The following ASH1L variants were observed in gnomAD, a reference collection of about 807,000 sequenced individuals.
ASH1L encodes the protein ASH1 like histone lysine methyltransferase, also known as histone-lysine N-methyltransferase ASH1L.
Under a neutral mutation model 269.0 loss-of-function variants are expected in ASH1L, and 23 were observed. That is an observed-to-expected ratio of 0.09 (90% CI 0.06 to 0.12). The LOEUF (loss-of-function observed/expected upper bound fraction) is 0.12. Among genes scored for constraint, ASH1L ranks in the 10% least tolerant of loss-of-function variants. ASH1L has a pLI of 1.00. For synonymous variants in ASH1L, 1,187 were observed against 1,253.5 expected (o/e 0.95, Z 1.12); for missense variants, 2,912 against 3,567.8 (o/e 0.82, Z 4.68).
intron 3 of ASH1L, among the ~76,000 whole-genome samples, chr1:155,474,997 T>A (rs903350755): frequency 6.6e-6 from 1 of 152,226 alleles, no homozygotes; most frequent in Non-Finnish European, 1.5e-5. Context: ...AATCCAAAAT[T>A]CTTAACACAT....
At chr1:155,470,395 G>C (rs1665007565) in intron 3 of ASH1L, among the ~76,000 whole-genome samples, 1 of 151,774 alleles carries the variant, frequency 6.6e-6, no homozygotes, top group Non-Finnish European at 1.5e-5. Flanking sequence ...GGAGGCGGAG[G>C]TTGCAGTAAG....
intron 4 of ASH1L, among the ~76,000 whole-genome samples, chr1:155,439,385 G>A (rs1662360333): frequency 6.6e-6 from 1 of 152,174 alleles, no homozygotes; most frequent in Non-Finnish European, 1.5e-5. Flanking sequence ...TTAAGGTCCA[G>A]TTAAGCTAAG....
At chr1:155,416,419 G>A (rs1660212441) in intron 5 of ASH1L, among the ~76,000 whole-genome samples, 1 of 151,794 alleles carries the variant, frequency 6.6e-6, no homozygotes, top group Non-Finnish European at 1.5e-5. Context: ...TGCCCGGCAT[G>A]AGAAAATTTT....
chr1:155,542,486 T>C (rs555653718), intron 1 of ASH1L, among the ~76,000 whole-genome samples: 3 of 150,458 alleles, frequency 2.0e-5, no homozygotes, highest in African/African-American at 7.3e-5. Context: ...GAGGTGGAGC[T>C]TGCAGTGAGC....
intron 4 of ASH1L, among the ~76,000 whole-genome samples, chr1:155,454,022 A>G (rs1663691994): frequency 6.6e-6 from 1 of 151,902 alleles, no homozygotes. Context: ...GGAGAATGGC[A>G]TGAACCTGGG....
chr1:155,392,383 CCTCTT>C (rs1389376339), intron 7 of ASH1L, among the ~76,000 whole-genome samples: 1 of 152,096 alleles, frequency 6.6e-6, no homozygotes, highest in African/African-American at 2.4e-5. Context: ...GTGTGCTTCT[CCTCTT>C]CTAATTATTG....
chr1:155,372,293 G>GTT (rs71589997), intron 10 of ASH1L, among the ~76,000 whole-genome samples: 35 of 139,910 alleles, frequency 2.5e-4, no homozygotes, highest in Non-Finnish European at 1.9e-4. Context: ...TGCCCAGCCA[G>GTT]TTTTTTTTTT....
chr1:155,416,817 C>A (rs1421424432), intron 5 of ASH1L, among the ~76,000 whole-genome samples: 2 of 152,122 alleles, frequency 1.3e-5, no homozygotes, highest in African/African-American at 4.8e-5. Flanking sequence ...CAGGCATGAG[C>A]CACTGTGCCC....
chr1:155,513,766 C>T (rs1255262274), intron 2 of ASH1L, among the ~76,000 whole-genome samples: 2 of 151,926 alleles, frequency 1.3e-5, no homozygotes, highest in Non-Finnish European at 2.9e-5. Context: ...AAGCTGGAAG[C>T]AATACCAGTG....
intron 12 of ASH1L, 37 bp from the exon 13 acceptor site, chr1:155,360,446 AT>A (rs745726347): frequency 0.13 from 140,129 of 1,062,340 alleles, no homozygotes; most frequent in South Asian, 0.17. Context: ...AAGGCTGGAA[AT>A]TTTTTTTTTT....
At chr1:155,371,672 T>A (rs1655958788) in intron 10 of ASH1L, among the ~76,000 whole-genome samples, 1 of 151,912 alleles carries the variant, frequency 6.6e-6, no homozygotes, top group South Asian at 2.1e-4. Flanking sequence ...TAAAAAAAAA[T>A]TGTGGTAGAA....
intron 2 of ASH1L, among the ~76,000 whole-genome samples, chr1:155,486,523 GAAATAACTAA>G (rs1558157691): frequency 6.6e-6 from 1 of 151,916 alleles, no homozygotes; most frequent in Non-Finnish European, 1.5e-5. Context: ...TGTACATTTT[GAAATAACTAA>G]AAGAGTATAA....
intron 7 of ASH1L, among the ~76,000 whole-genome samples, chr1:155,384,091 G>C (rs1056672995): frequency 1.3e-5 from 2 of 152,142 alleles, no homozygotes; most frequent in Non-Finnish European, 2.9e-5. Context: ...ACGTAACTTA[G>C]AAAAAACTCA....
chr1:155,461,440 T>A (rs1420044365), intron 3 of ASH1L, among the ~76,000 whole-genome samples: 2 of 152,196 alleles, frequency 1.3e-5, no homozygotes. Flanking sequence ...AACACAATGA[T>A]GACTGATGTA....
rs758341804 is a variant in ASH1L at position 155,378,317 on chromosome 1, T to C, written c.6296A>G (p.Asp2099Gly). The C allele has an allele frequency of 1.2e-5, 19 of 1,614,190 alleles. No homozygotes were observed. The highest frequency in any genetic ancestry group is 1.5e-5 in the Non-Finnish European group (18 of 1,180,016). Residue 2099 changes from aspartate to glycine, a missense_variant, in exon 10 of 28, where the codon GAC (aspartate) becomes GGC (glycine). Asp to Gly is a moderately conservative substitution (Grantham distance 94). Transcript: ENST00000392403. ...GTCATCAACACAGCCCTTCCTGGTG[T>C]CATCATCTGGCTTCTTACAGTTACA... ...TTCNCKKPDD[D>G]TRKGCVDDCL...
intron 10 of ASH1L, among the ~76,000 whole-genome samples, chr1:155,371,913 C>A (rs867559698): frequency 6.6e-6 from 1 of 152,000 alleles, no homozygotes; most frequent in African/African-American, 2.4e-5. Flanking sequence ...AGGCTGGTCT[C>A]AAACTCCCAA....
At chr1:155,484,292 C>G (rs1308191527) in intron 2 of ASH1L, among the ~76,000 whole-genome samples, 1 of 151,756 alleles carries the variant, frequency 6.6e-6, no homozygotes, top group Non-Finnish European at 1.5e-5. Flanking sequence ...AGTTCGAGAC[C>G]AGCTTGGCCA....
intron 2 of ASH1L, among the ~76,000 whole-genome samples, chr1:155,500,440 CAG>C (rs1667429878): frequency 6.6e-6 from 1 of 152,154 alleles, no homozygotes; most frequent in East Asian, 1.9e-4. Context: ...TAGCAAGACT[CAG>C]AGATACCTAC....
At chr1:155,369,446 C>CAA (rs112098227) in intron 12 of ASH1L, among the ~76,000 whole-genome samples, 3 of 108,180 alleles carry the variant, frequency 2.8e-5, no homozygotes, top group African/African-American at 3.4e-5. Context: ...GACTCCGTCT[C>CAA]AAAAAAAAAA....
Sources: gnomAD v4.1 joint callset for allele counts (sites outside exome capture counted in the v4.1 genomes callset) on GRCh38, gnomAD v4.1.1 for gene constraint, MANE v1.5 for transcripts, NCBI Gene and HGNC (gene_info 2026-07-23, HGNC 2026-07-21) for gene names.